PRKCE: variants seen among roughly 807,000 people sequenced by gnomAD.
PRKCE encodes the protein protein kinase C epsilon.
Under a neutral mutation model 85.4 loss-of-function variants are expected in PRKCE, and 16 were observed. That is an observed-to-expected ratio of 0.19 (90% CI 0.13 to 0.28). PRKCE has a LOEUF of 0.28. Ranked by LOEUF, PRKCE falls within the 10% of genes least tolerant of loss-of-function variation. The pLI, the probability that PRKCE is intolerant of heterozygous loss-of-function variation, is 1.00. For missense variants in PRKCE, 573 were observed against 975.2 expected (o/e 0.59, Z 5.49); for synonymous variants, 388 against 371.5 (o/e 1.04, Z -0.51).
chr2:45,995,999 G>A (rs1704183175), intron 6 of PRKCE, among the ~76,000 whole-genome samples: 1 of 152,110 alleles, frequency 6.6e-6, no homozygotes, highest in Admixed American at 6.5e-5. Context: ...CATGAATACG[G>A]TATATCTCTA....
chr2:45,887,656 G>A (rs1024088941), intron 2 of PRKCE, among the ~76,000 whole-genome samples: 3 of 152,008 alleles, frequency 2.0e-5, no homozygotes, highest in Non-Finnish European at 4.4e-5. Context: ...TATGGTTCTA[G>A]AACCATGCCA....
At chr2:46,053,995 C>T (rs1486244311) in intron 10 of PRKCE, among the ~76,000 whole-genome samples, 1 of 152,224 alleles carries the variant, frequency 6.6e-6, no homozygotes, top group Non-Finnish European at 1.5e-5. Context: ...AAAACAGCTA[C>T]TTCTTATTTC....
At chr2:45,904,395 A>G (rs1696816491) in intron 2 of PRKCE, among the ~76,000 whole-genome samples, 1 of 152,100 alleles carries the variant, frequency 6.6e-6, no homozygotes, top group Non-Finnish European at 1.5e-5. Context: ...GGGGGAGAAG[A>G]TGAGGTTTCT....
intron 1 of PRKCE, among the ~76,000 whole-genome samples, chr2:45,769,950 G>T (rs1435486420): frequency 6.6e-6 from 1 of 152,258 alleles, no homozygotes; most frequent in Non-Finnish European, 1.5e-5. Context: ...TTGCCAGGGT[G>T]CAGCAGGCAC....
intron 2 of PRKCE, among the ~76,000 whole-genome samples, chr2:45,877,965 G>C (rs990794979): frequency 6.6e-6 from 1 of 152,214 alleles, no homozygotes; most frequent in East Asian, 1.9e-4. Context: ...CATTCATCAT[G>C]ATTGCATCCT....
intron 1 of PRKCE, among the ~76,000 whole-genome samples, chr2:45,832,686 A>G (rs1166307387): frequency 1.3e-5 from 2 of 152,188 alleles, no homozygotes; most frequent in Non-Finnish European, 2.9e-5. Flanking sequence ...CAGATCTCCC[A>G]GAGCTCAGGC....
chr2:45,860,342 T>C (rs990477570), intron 2 of PRKCE, among the ~76,000 whole-genome samples: 1 of 152,256 alleles, frequency 6.6e-6, no homozygotes, highest in South Asian at 2.1e-4. Context: ...CTGATCCATG[T>C]AACTCTGGCC....
intron 2 of PRKCE, among the ~76,000 whole-genome samples, chr2:45,944,631 G>T (rs1020043195): frequency 2.0e-5 from 3 of 150,144 alleles, no homozygotes; most frequent in Non-Finnish European, 4.4e-5. Context: ...CGGGACTACA[G>T]GTGCGTGCCA....
At chr2:46,070,622 G>A (rs561601991) in intron 10 of PRKCE, among the ~76,000 whole-genome samples, 10 of 149,794 alleles carry the variant, frequency 6.7e-5, no homozygotes, top group Admixed American at 3.3e-4. Flanking sequence ...CAGCCTTAGC[G>A]ACAGAGCAAG....
intron 2 of PRKCE, among the ~76,000 whole-genome samples, chr2:45,894,074 C>G (rs1464381575): frequency 6.6e-6 from 1 of 152,186 alleles, no homozygotes; most frequent in African/African-American, 2.4e-5. Context: ...GTCCTGATCC[C>G]TTCCATACCC....
intron 2 of PRKCE, among the ~76,000 whole-genome samples, chr2:45,928,213 G>A (rs1176861818): frequency 3.9e-5 from 6 of 152,184 alleles, no homozygotes; most frequent in African/African-American, 1.2e-4. Context: ...TGCTTGTGGT[G>A]TGTGACCATG....
chr2:46,096,347 G>A (rs1229250535), intron 11 of PRKCE, among the ~76,000 whole-genome samples: 1 of 152,182 alleles, frequency 6.6e-6, no homozygotes, highest in Non-Finnish European at 1.5e-5. Flanking sequence ...TTGGCTAAAC[G>A]GAGAACACAG....
intron 2 of PRKCE, among the ~76,000 whole-genome samples, chr2:45,975,487 C>T (rs1292288427): frequency 6.6e-6 from 1 of 152,164 alleles, no homozygotes; most frequent in African/African-American, 2.4e-5. Context: ...TCTCTTCCTC[C>T]TCTTATAAGG....
chr2:45,695,584 C>G (rs377561317), intron 1 of PRKCE, among the ~76,000 whole-genome samples: 10 of 152,280 alleles, frequency 6.6e-5, no homozygotes, highest in African/African-American at 2.4e-4. Flanking sequence ...ACCAGCCTGG[C>G]CAACATGGTG....
rs1201158926 is a variant in PRKCE at position 46,159,103 on chromosome 2, A to G, written c.1921-503A>G. 6.6e-6 allele frequency among the ~76,000 whole-genome samples: 1 copy of G among 152,182 alleles called. No individual in the cohort carries two copies. The highest frequency in any genetic ancestry group is 6.5e-5 in the Admixed American group (1 of 15,274). On this transcript the variant is annotated intron_variant, in intron 13 of 14. Transcript: ENST00000306156. This position sits in a 1 kb window ranked among gnomAD's most constrained non-coding sequence, Gnocchi z 4.1. ...CCAGGAACAGGAAAGGAGCTGGAGGAGGCATTAGTACATTTGATCATTTAC... is the reference window on the plus strand; with the variant it reads ...CCAGGAACAGGAAAGGAGCTGGAGGGGGCATTAGTACATTTGATCATTTAC...
chr2:45,698,930 A>G (rs1292230908), intron 1 of PRKCE, among the ~76,000 whole-genome samples: 4 of 152,210 alleles, frequency 2.6e-5, no homozygotes, highest in Non-Finnish European at 4.4e-5. Context: ...CACCATCAGT[A>G]GTAGGTTAAA....
intron 1 of PRKCE, among the ~76,000 whole-genome samples, chr2:45,667,676 T>C (rs1246116586): frequency 1.3e-5 from 2 of 152,196 alleles, no homozygotes; most frequent in African/African-American, 2.4e-5. Context: ...AAATTAGTTA[T>C]GTTTATTTTT....
chr2:45,966,557 A>G (rs1406509141), intron 2 of PRKCE, among the ~76,000 whole-genome samples: 28 of 152,160 alleles, frequency 1.8e-4, no homozygotes, highest in Admixed American at 1.8e-3. Flanking sequence ...GTGTTGTAAA[A>G]TTACCTTGAA....
At chr2:46,040,891 G>A (rs564968150) in intron 10 of PRKCE, among the ~76,000 whole-genome samples, 9 of 152,248 alleles carry the variant, frequency 5.9e-5, no homozygotes, top group African/African-American at 2.2e-4. Context: ...GCAAACTGAC[G>A]AATCTCAGTT....
Sources: allele counts gnomAD v4.1 joint callset (sites outside exome capture counted in the v4.1 genomes callset), GRCh38; gene constraint gnomAD v4.1.1; non-coding constraint Gnocchi (gnomAD v3.1); transcripts MANE v1.5; gene names NCBI Gene and HGNC (gene_info 2026-07-23, HGNC 2026-07-21).